Variants in RFX2 observed in about 807,000 individuals in gnomAD.
RFX2 encodes DNA-binding protein RFX2.
A neutral mutation model predicts 87.8 loss-of-function variants in RFX2; 20 were observed. That is an observed-to-expected ratio of 0.23 (90% CI 0.16 to 0.33). The LOEUF (loss-of-function observed/expected upper bound fraction) is 0.33, where lower values mean the gene tolerates loss of function less well. Among genes scored for constraint, RFX2 ranks in the 10% least tolerant of loss-of-function variants. The pLI is 1.00. For missense variants in RFX2, 767 were observed against 1,012.3 expected, an observed-to-expected ratio of 0.76 and a Z score of 3.29; for synonymous variants, 397 against 431.3, an observed-to-expected ratio of 0.92 and a Z score of 0.98.
rs931316240 is a variant in RFX2, at chr19:6,011,100, A to C, written c.900-849T>G. Among the ~76,000 whole-genome samples, 5 of 152,094 alleles carry C rather than the reference A, an allele frequency of 3.3e-5. No homozygotes were observed. Among genetic ancestry groups the C allele is most frequent in the African/African-American group, 1.2e-4 (5 of 41,370 alleles). ...CATTGCACTCCAGCCTGGGCGACAA[A>C]AGCGAAACTCGGTCTCAAAAAAAAT... is the stretch of plus-strand genomic sequence containing the variant. On this transcript the variant is annotated intron_variant, in intron 8 of 17. Transcript: ENST00000303657. This position sits in a 1 kb window ranked among gnomAD's most constrained non-coding sequence, Gnocchi z 4.8.
Position 6,020,486 on chromosome 19 carries a change from G to C in RFX2, c.598-4215C>G, listed in dbSNP as rs200005693. On this transcript the variant is annotated intron_variant, in intron 6 of 17. Transcript: ENST00000303657. This position sits in a 1 kb window ranked among gnomAD's most constrained non-coding sequence, Gnocchi z 5.3. ...CTGGGAGGAGAATGGGGTTAGAACC[G>C]AAGTATGGCTTGCAGACTCTGTTCA... The C allele has an allele frequency of 1.3e-5, 2 of 152,198 alleles. No homozygotes were observed. Among genetic ancestry groups the C allele is most frequent in the Non-Finnish European group, 2.9e-5 (2 of 68,054 alleles). The allele number at this position is 152,198 out of a possible 1,614,324, so 9.4% of individuals were successfully genotyped here. A position where few individuals can be genotyped will look rare whatever the true frequency, so the allele number is the denominator to read the frequency against.
rs2144907117 is a variant in RFX2, at chr19:6,101,491, G to T, written c.-9+8902C>A. ...ACTGCTTCTAAGGCCTTTCCCCACA[G>T]ATCACCTTTTGGACAGAAATGTATC... On this transcript the variant is annotated intron_variant, in intron 1 of 17. Transcript: ENST00000303657. This position sits in a 1 kb window ranked among gnomAD's most constrained non-coding sequence, Gnocchi z 4.9. Among the ~76,000 whole-genome samples, 1 of 152,346 alleles carries T rather than the reference G, an allele frequency of 6.6e-6. No homozygotes were observed. The highest frequency in any genetic ancestry group is 1.9e-4 in the East Asian group (1 of 5,190).
chr19:6,091,508 C>T (rs2087935020), intron 1 of RFX2, among the ~76,000 whole-genome samples: 3 of 151,348 alleles, frequency 2.0e-5, no homozygotes, highest in Non-Finnish European at 2.9e-5. Flanking sequence ...AAGAAGATGA[C>T]GCTGAGTGCT....
At chr19:6,073,765 A>T (rs1366562351) in intron 1 of RFX2, among the ~76,000 whole-genome samples, 1 of 152,050 alleles carries the variant, frequency 6.6e-6, no homozygotes, top group East Asian at 1.9e-4. Context: ...TTACCGTGCA[A>T]ATTTCATGGT....
At chr19:6,003,778 CAAAAAA>C (rs57470328) in intron 13 of RFX2, among the ~76,000 whole-genome samples, 11 of 42,006 alleles carry the variant, frequency 2.6e-4, no homozygotes, top group African/African-American at 4.4e-4. Context: ...GACTCTGTCT[CAAAAAA>C]AAAAAAAAAA....
chr19:6,022,472 C>T lies in RFX2; in HGVS notation c.597+3691G>A, dbSNP rs1360087829. 6.6e-6 allele frequency among the ~76,000 whole-genome samples: 1 copy of T among 152,246 alleles called. No individual in the cohort carries two copies. Among genetic ancestry groups the T allele is most frequent in the Non-Finnish European group, 1.5e-5 (1 of 68,044 alleles). On this transcript the variant is annotated intron_variant, in intron 6 of 17. Transcript: ENST00000303657. This position sits in a 1 kb window ranked among gnomAD's most constrained non-coding sequence, Gnocchi z 6.2. ...TTTACTTTAGCAGACAGCGCCACCTCATGGTGACAGAGACTCGGTGAACCT... is the reference window on the plus strand; with the variant it reads ...TTTACTTTAGCAGACAGCGCCACCTTATGGTGACAGAGACTCGGTGAACCT...
chr19:6,085,580 C>T (rs891670592), intron 1 of RFX2, among the ~76,000 whole-genome samples: 1 of 152,164 alleles, frequency 6.6e-6, no homozygotes, highest in Non-Finnish European at 1.5e-5. Flanking sequence ...TACTCTGTTG[C>T]TACTGTTCTT....
intron 1 of RFX2, among the ~76,000 whole-genome samples, chr19:6,104,148 C>A (rs1322165665): frequency 6.6e-6 from 1 of 152,164 alleles, no homozygotes; most frequent in East Asian, 1.9e-4. Context: ...ACACCCAGCA[C>A]TATGACCTGC....
In RFX2 at chr19:6,056,571, T is replaced by A. The variant is rs1471008355; in HGVS notation, c.-8-9067A>T. On this transcript the variant is annotated intron_variant, in intron 1 of 17. Coordinates refer to ENST00000303657, the MANE Select transcript of RFX2 (RefSeq NM_000635.4). This position sits in a 1 kb window ranked among gnomAD's most constrained non-coding sequence, Gnocchi z 4.6. ...GGGCGTGGGTGTACTCAAGGTAAAG[T>A]CCACAGGGCACAGGGACGCACACTG... Among the ~76,000 whole-genome samples the A allele has an allele frequency of 6.6e-6, 1 of 152,006 alleles. No individual in the cohort carries two copies. Among genetic ancestry groups the A allele is most frequent in the Non-Finnish European group, 1.5e-5 (1 of 68,000 alleles).
intron 1 of RFX2, among the ~76,000 whole-genome samples, chr19:6,081,074 C>A (rs1280950500): frequency 6.6e-6 from 1 of 151,778 alleles, no homozygotes; most frequent in African/African-American, 2.4e-5. Context: ...CTAAGGGAAG[C>A]CCCAGGAGGC....
intron 1 of RFX2, among the ~76,000 whole-genome samples, chr19:6,049,687 C>A (rs1434637554): frequency 6.6e-6 from 1 of 152,170 alleles, no homozygotes; most frequent in Non-Finnish European, 1.5e-5. Flanking sequence ...CACCATCATG[C>A]CTGGCTAATT....
intron 1 of RFX2, among the ~76,000 whole-genome samples, chr19:6,105,577 A>T (rs909661397): frequency 6.6e-6 from 1 of 152,006 alleles, no homozygotes; most frequent in Admixed American, 6.6e-5. Flanking sequence ...ACTTAACATG[A>T]CGCCGCCTCT....
rs972727041 is a variant in RFX2, at chr19:6,024,343, C to T, written c.597+1820G>A. The stretch of plus-strand genomic sequence containing the variant: ...GCACGTGTGGAAGACTCCCTTCTCC[C>T]TGAGTTCATCTACAGGGAGGATGTC... On this transcript the variant is annotated intron_variant, in intron 6 of 17. Transcript: ENST00000303657. The surrounding 1 kb of genome is among the most constrained non-coding windows in gnomAD (Gnocchi z 5.0). Among the ~76,000 whole-genome samples the T allele has an allele frequency of 3.9e-5, 6 of 152,202 alleles. No homozygotes were observed. The highest frequency in any genetic ancestry group is 3.9e-4 in the Admixed American group (6 of 15,284).
chr19:6,087,770 A>G (rs993755295), intron 1 of RFX2, among the ~76,000 whole-genome samples: 1 of 152,224 alleles, frequency 6.6e-6, no homozygotes, highest in Non-Finnish European at 1.5e-5. Context: ...TATCATGGAA[A>G]TAGCTTTTTT....
Position 6,011,651 on chromosome 19 carries a change from G to A in RFX2, c.899+1335C>T, listed in dbSNP as rs1271252341. ...AACAGCAGTGAGCTCCAGAGTCCAT[G>A]TCTGCAGACAACGAGGTACAGAAGG... is the stretch of plus-strand genomic sequence containing the variant. On this transcript the variant is annotated intron_variant, in intron 8 of 17. Transcript: ENST00000303657. This position sits in a 1 kb window ranked among gnomAD's most constrained non-coding sequence, Gnocchi z 4.8. Among the ~76,000 whole-genome samples, 1 of 152,226 alleles carries A rather than the reference G, an allele frequency of 6.6e-6. No individual in the cohort carries two copies. Among genetic ancestry groups the A allele is most frequent in the Non-Finnish European group, 1.5e-5 (1 of 68,048 alleles).
At chr19:6,100,888 T>TATATTGATTG (rs2144905911) in intron 1 of RFX2, among the ~76,000 whole-genome samples, 2 of 151,994 alleles carry the variant, frequency 1.3e-5, no homozygotes, top group African/African-American at 4.8e-5. Flanking sequence ...TTAATTGAAT[T>TATATTGATTG]AATTAATCAT....
intron 7 of RFX2, among the ~76,000 whole-genome samples, chr19:6,015,752 C>T (rs999122711): frequency 6.6e-6 from 1 of 152,154 alleles, no homozygotes; most frequent in African/African-American, 2.4e-5. Flanking sequence ...CCTCTTGCCT[C>T]GGCCTCCCAA....
rs2087472410 is a variant in RFX2, at chr19:6,063,774, G to C, written c.-8-16270C>G. Among the ~76,000 whole-genome samples the C allele has an allele frequency of 6.6e-6, 1 of 152,182 alleles. No individual in the cohort carries two copies. Among genetic ancestry groups the C allele is most frequent in the African/African-American group, 2.4e-5 (1 of 41,446 alleles). On this transcript the variant is annotated intron_variant, in intron 1 of 17. Transcript: ENST00000303657. This position sits in a 1 kb window ranked among gnomAD's most constrained non-coding sequence, Gnocchi z 4.0. ...GGGTGGGGCCGTCCTGGGCACCGCA[G>C]GGTGCTGGGCAGCATCCCTGGCCTC...
rs1477803756 is a variant in RFX2, at chr19:5,998,881, C to G, written c.1860-1668G>C. Among the ~76,000 whole-genome samples the G allele has an allele frequency of 6.6e-6, 1 of 152,246 alleles. No homozygotes were observed. The highest frequency in any genetic ancestry group is 6.5e-5 in the Admixed American group (1 of 15,292). On this transcript the variant is annotated intron_variant, in intron 15 of 17. Transcript: ENST00000303657. The surrounding 1 kb of genome is among the most constrained non-coding windows in gnomAD (Gnocchi z 4.2). ...ACCAGCCAAGGCCTCAGTCCACATGCTACCATTTTCTAGTGGGTGCTACAG... is the reference window on the plus strand; with the variant it reads ...ACCAGCCAAGGCCTCAGTCCACATGGTACCATTTTCTAGTGGGTGCTACAG...
Sources: gnomAD v4.1 joint callset for allele counts (sites outside exome capture counted in the v4.1 genomes callset) on GRCh38, gnomAD v4.1.1 for gene constraint, Gnocchi (gnomAD v3.1) non-coding constraint, MANE v1.5 for transcripts, NCBI Gene and HGNC (gene_info 2026-07-23, HGNC 2026-07-21) for gene names.